The following TRPM5 variants were observed in gnomAD, a reference collection of about 807,000 sequenced individuals.
TRPM5 encodes the protein MLSN1 and TRP-related.
In TRPM5, 121 loss-of-function variants were observed where a neutral mutation model predicts 124.9. The observed-to-expected ratio is 0.97, with a 90% confidence interval of 0.84 to 1.13. The LOEUF (loss-of-function observed/expected upper bound fraction) is 1.13, where lower values mean the gene tolerates loss of function less well. TRPM5 is among the 50% of genes most tolerant of loss of function. TRPM5 has a pLI of 0.00. For missense variants in TRPM5, 1,643 were observed against 1,589.1 expected, an observed-to-expected ratio of 1.03 and a Z score of -0.58; for synonymous variants, 781 against 700.5, an observed-to-expected ratio of 1.11 and a Z score of -1.81.
exon 2 of TRPM5, chr11:2,422,215 T>C: frequency 6.2e-7 from 1 of 1,612,184 alleles, no homozygotes; most frequent in Non-Finnish European, 8.5e-7. Flanking sequence ...GAAAGGCTGC[T>C]CCTCACCCAC....
the TRPM5 span, among the ~76,000 whole-genome samples, chr11:2,430,939 T>G: frequency 6.6e-6 from 1 of 151,492 alleles, no homozygotes; most frequent in Non-Finnish European, 1.5e-5. Context: ...GAGGTGGTAG[T>G]GATGATGGTG....
chr11:2,406,870 C>G lies in TRPM5; in HGVS notation c.3119-77G>C, dbSNP rs560541515. The G allele has an allele frequency of 4.6e-6, 7 of 1,534,310 alleles. No individual in the cohort carries two copies. In the African/African-American group the frequency reaches 8.3e-5, roughly 18 times the overall value. ...GCAGAGCCCAGGCCTGGTCCCGGGG[C>G]GAGGTGGGCCAGGCAGAAGGAGTGA... On this transcript the variant is annotated intron_variant, in intron 20 of 23. Coordinates refer to ENST00000155858, the Ensembl canonical transcript of TRPM5.
chr11:2,434,368 G>A, the TRPM5 span, among the ~76,000 whole-genome samples: 1 of 150,854 alleles, frequency 6.6e-6, no homozygotes, highest in Non-Finnish European at 1.5e-5. Flanking sequence ...GGTACACCGT[G>A]TGTGTCTGTG....
At position 2,412,268 on chromosome 11, in the gene TRPM5, G is replaced by A. The variant is rs1850468170; in HGVS notation, c.2356-15C>T. 15 of 1,599,090 alleles carry A rather than the reference G, an allele frequency of 9.4e-6. No individual in the cohort carries two copies. The highest frequency in any genetic ancestry group is 1.3e-5 in the Non-Finnish European group (15 of 1,167,492). On this transcript the variant is annotated splice_polypyrimidine_tract_variant and intron_variant, in intron 15 of 23. Transcript: ENST00000155858. ...GTGAAGAAGCCCTGGGAGGGAGGTGGGCAGTCCACTGACAGCTGTCCAGCC... is the reference window on the plus strand; with the variant it reads ...GTGAAGAAGCCCTGGGAGGGAGGTGAGCAGTCCACTGACAGCTGTCCAGCC...
At chr11:2,432,259 C>T in the TRPM5 span, among the ~76,000 whole-genome samples, 1 of 152,242 alleles carries the variant, frequency 6.6e-6, no homozygotes. Flanking sequence ...CCCTCTACAG[C>T]GGGTTTCCTC....
intron 18 of TRPM5, among the ~76,000 whole-genome samples, chr11:2,408,679 C>A (rs1313114055): frequency 6.6e-6 from 1 of 152,216 alleles, no homozygotes; most frequent in African/African-American, 2.4e-5. Context: ...CAACCCTGGA[C>A]CCTCACCCCA....
At chr11:2,408,219 T>C (rs941430553) in intron 18 of TRPM5, among the ~76,000 whole-genome samples, 6 of 152,116 alleles carry the variant, frequency 3.9e-5, no homozygotes, top group Non-Finnish European at 8.8e-5. Context: ...CCAAGACCCC[T>C]GGAGGGATGG....
At chr11:2,414,153 C>G (rs760023931) in exon 12 of TRPM5, 4 of 1,609,310 alleles carry the variant, frequency 2.5e-6, no homozygotes, top group Non-Finnish European at 3.4e-6. Flanking sequence ...TTCCGGCGCA[C>G]CAGCAGGGCG....
intron 18 of TRPM5, among the ~76,000 whole-genome samples, chr11:2,410,008 C>A (rs552362559): frequency 1.3e-5 from 2 of 152,370 alleles, no homozygotes; most frequent in Admixed American, 6.5e-5. Flanking sequence ...CCCAACCCTG[C>A]CCTGGCTGGA....
In TRPM5 at chr11:2,418,176, C is replaced by G. The variant is rs749486671; in HGVS notation, c.897G>C (p.Trp299Cys). The change falls in exon 6 of 24, where the codon TGG (tryptophan) becomes TGC (cysteine). Residue 299 changes from tryptophan (W) to cysteine (C), a missense_variant. Transcript: ENST00000155858. ...AGGGGGCAGCACATACCAGCTTGGTCCAGCGCACGATGTCCTCCCAAGAGA... is the reference window on the plus strand; with the variant it reads ...AGGGGGCAGCACATACCAGCTTGGTGCAGCGCACGATGTCCTCCCAAGAGA... 9 of 1,570,790 alleles carry G rather than the reference C, an allele frequency of 5.7e-6. No individual in the cohort carries two copies. The African/African-American group carries it at 9.4e-5, about 16-fold the overall frequency.
At chr11:2,405,376 C>G in intron 23 of TRPM5, 151 bp downstream of exon 28, 1 of 793,714 alleles carries the variant, frequency 1.3e-6, no homozygotes, top group Non-Finnish European at 2.0e-6. Context: ...GGCACCCACA[C>G]CACCCTGAAG....
chr11:2,423,322 G>A (rs1309048623), upstream of TRPM5, among the ~76,000 whole-genome samples: 1 of 152,196 alleles, frequency 6.6e-6, no homozygotes, highest in African/African-American at 2.4e-5. Context: ...TCCGCTGTCA[G>A]CGCCTGGTTC....
In TRPM5 at chr11:2,410,222, G is replaced by C. The variant is rs1025187816; in HGVS notation, c.2782+1130C>G. Among the ~76,000 whole-genome samples, 4 of 152,336 alleles carry C rather than the reference G, an allele frequency of 2.6e-5. No individual in the cohort carries two copies. In the South Asian group the frequency reaches 8.3e-4, roughly 32 times the overall value. Reference sequence around the variant, plus strand: ...AGAAAACAGCCCAAGGAAATGAGCCGCGCTGGGAGAGGCGGTTTCCATCAC... The same window carrying C: ...AGAAAACAGCCCAAGGAAATGAGCCCCGCTGGGAGAGGCGGTTTCCATCAC... On this transcript the variant is annotated intron_variant, in intron 18 of 23. Transcript: ENST00000155858.
At chr11:2,413,992 C>T in intron 12 of TRPM5, 69 bp downstream of exon 17, 1 of 1,529,342 alleles carries the variant, frequency 6.5e-7, no homozygotes, top group Non-Finnish European at 8.8e-7. Context: ...GAAGTCAACT[C>T]AAGCTGGGCC....
chr11:2,415,235 G>A lies in TRPM5; in HGVS notation c.1365C>T (p.Pro455=), dbSNP rs200801959. 967 of 1,573,560 alleles carry A rather than the reference G, an allele frequency of 6.1e-4. 5 individuals carry two copies. In the African/African-American group the frequency reaches 0.011, roughly 18 times the overall value. Residue 455 remains proline (P), a synonymous_variant, in exon 9 of 24, where the codon CCC becomes CCT. Coordinates refer to ENST00000155858, the Ensembl canonical transcript of TRPM5. ...GCAGGGAGAAGGCCGGTGGCCCCGCGGGTGGCTCCCGGGCCTGCTGGGTGC... is the reference window on the plus strand; with the variant it reads ...GCAGGGAGAAGGCCGGTGGCCCCGCAGGTGGCTCCCGGGCCTGCTGGGTGC...
intron 11 of TRPM5, 83 bp from the exon 17 acceptor site, chr11:2,414,289 G>C: frequency 6.6e-7 from 1 of 1,506,776 alleles, no homozygotes; most frequent in Non-Finnish European, 8.9e-7. Flanking sequence ...CCCCTGCCCA[G>C]ACCTGGGCTC....
the TRPM5 span, among the ~76,000 whole-genome samples, chr11:2,434,365 CGTGT>C: frequency 7.8e-6 from 1 of 128,772 alleles, no homozygotes; most frequent in East Asian, 2.4e-4. Context: ...GTAGGTACAC[CGTGT>C]GTGTCTGTGT....
exon 18 of TRPM5, chr11:2,411,421 T>C: frequency 6.2e-7 from 1 of 1,612,196 alleles, no homozygotes; most frequent in South Asian, 1.1e-5. Context: ...CGGCGGAAGA[T>C]CCACTCCAGG....
chr11:2,423,054 C>A, upstream of TRPM5: 1 of 1,597,250 alleles, frequency 6.3e-7, no homozygotes, highest in African/African-American at 1.3e-5. Flanking sequence ...TCTAGAGCTG[C>A]AGGGATACCC....
Sources: gnomAD v4.1 joint callset for allele counts (sites outside exome capture counted in the v4.1 genomes callset) on GRCh38, gnomAD v4.1.1 for gene constraint, MANE v1.5 for transcripts, NCBI Gene and HGNC (gene_info 2026-07-23, HGNC 2026-07-21) for gene names.